UNC13C: variants seen among roughly 807,000 people sequenced by gnomAD.
UNC13C encodes unc-13 homolog C, also known as protein unc-13 homolog C.
A neutral mutation model predicts 245.4 loss-of-function variants in UNC13C; 174 were observed. The ratio of observed to expected loss-of-function variants is 0.71; its 90% CI spans 0.63 to 0.80. UNC13C has a LOEUF of 0.80. Ranked by LOEUF, UNC13C falls within the 30% of genes least tolerant of loss-of-function variation. UNC13C has a pLI of 0.00. For missense variants in UNC13C, 2,829 were observed against 2,602.9 expected (o/e 1.09, Z -1.89); for synonymous variants, 992 against 895.1 (o/e 1.11, Z -1.93).
chr15:54,262,542 A>T (rs2036452861), intron 8 of UNC13C, among the ~76,000 whole-genome samples: 1 of 152,218 alleles, frequency 6.6e-6, no homozygotes, highest in Non-Finnish European at 1.5e-5. Context: ...GACTGTGTAA[A>T]CCAATATTGA....
the UNC13C span, among the ~76,000 whole-genome samples, chr15:53,937,955 C>A: frequency 2.0e-5 from 3 of 152,198 alleles, no homozygotes; most frequent in Non-Finnish European, 4.4e-5. Flanking sequence ...ACCAGTGATA[C>A]TGTGAAGCAA....
intron 10 of UNC13C, among the ~76,000 whole-genome samples, chr15:54,291,249 C>A (rs1205460932): frequency 1.3e-5 from 2 of 151,980 alleles, no homozygotes; most frequent in African/African-American, 4.8e-5. Context: ...TGTGCTCTTA[C>A]TATTCCAACT....
intron 2 of UNC13C, among the ~76,000 whole-genome samples, chr15:54,033,918 T>C (rs1170140005): frequency 6.6e-6 from 1 of 152,206 alleles, no homozygotes. Flanking sequence ...AATATAAGCC[T>C]CTGCTATATA....
chr15:54,386,468 A>G (rs1356843776), intron 17 of UNC13C, among the ~76,000 whole-genome samples: 1 of 152,174 alleles, frequency 6.6e-6, no homozygotes, highest in Non-Finnish European at 1.5e-5. Context: ...GAAAGCTAGG[A>G]GTCAGCTAAA....
At chr15:54,144,800 T>G (rs1418483400) in intron 4 of UNC13C, among the ~76,000 whole-genome samples, 6 of 152,338 alleles carry the variant, frequency 3.9e-5, no homozygotes, top group East Asian at 1.9e-4. Flanking sequence ...TTGCAAATTA[T>G]GACATAATTA....
chr15:54,273,231 T>TC (rs1322053455), intron 10 of UNC13C, among the ~76,000 whole-genome samples: 2 of 152,166 alleles, frequency 1.3e-5, no homozygotes, highest in Admixed American at 1.3e-4. Flanking sequence ...AAACAAATTG[T>TC]CCCAAGGGCA....
intron 2 of UNC13C, among the ~76,000 whole-genome samples, chr15:54,059,895 G>A (rs1044689886): frequency 6.6e-6 from 1 of 152,174 alleles, no homozygotes; most frequent in Non-Finnish European, 1.5e-5. Flanking sequence ...AAATGGTGCT[G>A]GGAAAACTGG....
the UNC13C span, chr15:53,913,845 C>T: frequency 6.6e-6 from 1 of 152,210 alleles, no homozygotes; most frequent in African/African-American, 2.4e-5. Flanking sequence ...AGGCAGGGAG[C>T]TACTGCTGCC....
the UNC13C span, chr15:53,910,872 C>G: frequency 3.3e-5 from 4 of 122,056 alleles, 2 homozygotes; most frequent in Non-Finnish European, 7.8e-5. Flanking sequence ...TCAACATGAC[C>G]TTTGGCGTAG....
At chr15:54,393,875 A>G (rs1030443028) in intron 18 of UNC13C, among the ~76,000 whole-genome samples, 1 of 151,900 alleles carries the variant, frequency 6.6e-6, no homozygotes, top group African/African-American at 2.4e-5. Flanking sequence ...TTAATATTGC[A>G]TATTTAGATT....
At chr15:54,276,507 A>T (rs1328955922) in intron 10 of UNC13C, among the ~76,000 whole-genome samples, 1 of 152,142 alleles carries the variant, frequency 6.6e-6, no homozygotes, top group Non-Finnish European at 1.5e-5. Context: ...AATGGTTTAC[A>T]GTGTTCAACA....
At chr15:54,543,863 G>T (rs568425824) in intron 26 of UNC13C, among the ~76,000 whole-genome samples, 1 of 152,066 alleles carries the variant, frequency 6.6e-6, no homozygotes, top group Non-Finnish European at 1.5e-5. Flanking sequence ...TTCTACCAGA[G>T]GTACAAAGAG....
intron 17 of UNC13C, among the ~76,000 whole-genome samples, chr15:54,353,941 C>G (rs2039038910): frequency 6.6e-6 from 1 of 152,144 alleles, no homozygotes; most frequent in Non-Finnish European, 1.5e-5. Context: ...GGAGGCAGAC[C>G]CTTTTGCTTT....
intron 29 of UNC13C, among the ~76,000 whole-genome samples, chr15:54,557,354 C>T (rs1344439871): frequency 6.6e-6 from 1 of 151,846 alleles, no homozygotes; most frequent in African/African-American, 2.4e-5. Flanking sequence ...GACCCTGTGC[C>T]CTGCCCATCT....
intron 2 of UNC13C, among the ~76,000 whole-genome samples, chr15:54,066,851 A>G (rs987088066): frequency 6.6e-6 from 1 of 152,178 alleles, no homozygotes; most frequent in Non-Finnish European, 1.5e-5. Context: ...CCAGAAGGCA[A>G]AGTCTTGTCC....
chr15:54,321,352 C>T (rs555005134), intron 13 of UNC13C: 12 of 475,462 alleles, frequency 2.5e-5, no homozygotes, highest in African/African-American at 2.4e-4. Flanking sequence ...TTAATGCCAC[C>T]CACCAAGATC....
chr15:54,182,456 T>G (rs555249205), intron 4 of UNC13C, among the ~76,000 whole-genome samples: 1 of 152,062 alleles, frequency 6.6e-6, no homozygotes, highest in East Asian at 1.9e-4. Flanking sequence ...TTGAGGGATA[T>G]TGGTCTCTAG....
intron 10 of UNC13C, among the ~76,000 whole-genome samples, chr15:54,282,632 C>G (rs2037029410): frequency 6.6e-6 from 1 of 152,184 alleles, no homozygotes; most frequent in South Asian, 2.1e-4. Context: ...CTTGCCTCAT[C>G]ATGTGGGGTG....
chr15:54,584,073 A>G (rs984259735), intron 30 of UNC13C, among the ~76,000 whole-genome samples: 1 of 151,680 alleles, frequency 6.6e-6, no homozygotes. Context: ...TTTTGGTTTC[A>G]CCTCCTCCTT....
Sources: gnomAD v4.1 joint callset for allele counts (sites outside exome capture counted in the v4.1 genomes callset) on GRCh38, gnomAD v4.1.1 for gene constraint, MANE v1.5 for transcripts, NCBI Gene and HGNC (gene_info 2026-07-23, HGNC 2026-07-21) for gene names.